ANO3: variants seen among roughly 807,000 people sequenced by gnomAD.
ANO3 encodes anoctamin-3.
ANO3 carries 99 observed loss-of-function variants against 144.8 expected under a neutral mutation model. The observed-to-expected ratio is 0.68, with a 90% confidence interval of 0.58 to 0.81. The LOEUF (loss-of-function observed/expected upper bound fraction) is 0.81, where lower values mean the gene tolerates loss of function less well. ANO3 is among the 30% of genes least tolerant of loss of function. The pLI is 0.00. For synonymous variants in ANO3, 414 were observed against 392.6 expected, an observed-to-expected ratio of 1.05 and a Z score of -0.64; for missense variants, 905 against 1,202.2, an observed-to-expected ratio of 0.75 and a Z score of 3.66.
At chr11:26,593,986 G>A (rs979328658) in intron 14 of ANO3, among the ~76,000 whole-genome samples, 10 of 152,128 alleles carry the variant, frequency 6.6e-5, no homozygotes, top group African/African-American at 2.4e-4. Context: ...TTTTTCTAAT[G>A]TCTGCAGCTG....
chr11:26,460,925 TAAGG>T, intron 3 of ANO3, among the ~76,000 whole-genome samples: 1 of 152,210 alleles, frequency 6.6e-6, no homozygotes, highest in East Asian at 1.9e-4. Flanking sequence ...AATTGCATGC[TAAGG>T]AAGTGGCAGA....
At chr11:26,444,642 C>T (rs72886273) in intron 3 of ANO3, among the ~76,000 whole-genome samples, 8 of 152,250 alleles carry the variant, frequency 5.3e-5, no homozygotes, top group Admixed American at 4.6e-4. Flanking sequence ...AATTAGTATA[C>T]GTACTTTTAA....
intron 1 of ANO3, among the ~76,000 whole-genome samples, chr11:26,351,804 T>A (rs1340632315): frequency 6.6e-6 from 1 of 152,226 alleles, no homozygotes; most frequent in African/African-American, 2.4e-5. Context: ...GGGAAATGTT[T>A]AGGCTGAACT....
Position 26,390,079 on chromosome 11 carries a change from C to T in ANO3, c.47-51839C>T, listed in dbSNP as rs751188057. On this transcript the variant is annotated intron_variant, in intron 1 of 26. Coordinates refer to ENST00000256737, the MANE Select transcript of ANO3 (RefSeq NM_031418.4). The stretch of plus-strand genomic sequence containing the variant: ...TCCATTCAACCATTTCCTGACTTAA[C>T]ATGGTTCTCTCTTTTATTAAGTGTC... Among the ~76,000 whole-genome samples the T allele has an allele frequency of 5.1e-4, 78 of 152,058 alleles. 1 individual carries two copies. Among genetic ancestry groups the T allele is most frequent in the Non-Finnish European group, 1.8e-4 (12 of 67,992 alleles).
chr11:26,530,710 A>G (rs1849348513), intron 7 of ANO3, among the ~76,000 whole-genome samples: 1 of 151,996 alleles, frequency 6.6e-6, no homozygotes, highest in Non-Finnish European at 1.5e-5. Context: ...AAAAAATAAA[A>G]ATAAAAAAAT....
chr11:26,417,495 A>C (rs574280954), intron 1 of ANO3, among the ~76,000 whole-genome samples: 3 of 152,136 alleles, frequency 2.0e-5, no homozygotes, highest in Admixed American at 6.6e-5. Flanking sequence ...ATAATTCAAG[A>C]GTGAACAAAC....
chr11:26,349,675 A>T (rs1343472758), intron 1 of ANO3, among the ~76,000 whole-genome samples: 5 of 151,844 alleles, frequency 3.3e-5, no homozygotes, highest in Admixed American at 3.3e-4. Flanking sequence ...CAGCCTCCGG[A>T]GTAGCTGGGA....
At chr11:26,271,216 A>T (rs987247831) in intron 1 of ANO3, among the ~76,000 whole-genome samples, 1 of 152,234 alleles carries the variant, frequency 6.6e-6, no homozygotes, top group Non-Finnish European at 1.5e-5. Context: ...GATTCCAGTA[A>T]GAAATGTGTT....
At chr11:26,319,642 C>T (rs1022383146) in intron 1 of ANO3, among the ~76,000 whole-genome samples, 1 of 152,028 alleles carries the variant, frequency 6.6e-6, no homozygotes, top group Admixed American at 6.6e-5. Flanking sequence ...TGATAAAATG[C>T]CTTTGTTAAC....
At chr11:26,525,281 A>G (rs369275687) in intron 6 of ANO3, among the ~76,000 whole-genome samples, 1 of 152,186 alleles carries the variant, frequency 6.6e-6, no homozygotes, top group African/African-American at 2.4e-5. Flanking sequence ...AAATGGAAGG[A>G]GGGATGGATG....
chr11:26,198,151 G>A (rs900218159), intron 1 of ANO3, among the ~76,000 whole-genome samples: 3 of 151,966 alleles, frequency 2.0e-5, no homozygotes, highest in African/African-American at 7.3e-5. Flanking sequence ...GATTGAGGAT[G>A]GTTCTGGAAG....
intron 1 of ANO3, among the ~76,000 whole-genome samples, chr11:26,343,694 A>G (rs1855424485): frequency 6.6e-6 from 1 of 152,234 alleles, no homozygotes; most frequent in Non-Finnish European, 1.5e-5. Context: ...TGGAGTGTAG[A>G]GTTCAAGTAG....
At chr11:26,567,772 T>A (rs1850651322) in intron 14 of ANO3, among the ~76,000 whole-genome samples, 1 of 151,992 alleles carries the variant, frequency 6.6e-6, no homozygotes, top group Non-Finnish European at 1.5e-5. Context: ...CAAACCTAAG[T>A]GTTCATTAGT....
At chr11:26,346,805 G>A (rs1855507639) in intron 1 of ANO3, among the ~76,000 whole-genome samples, 1 of 152,172 alleles carries the variant, frequency 6.6e-6, no homozygotes, top group South Asian at 2.1e-4. Context: ...CCAACATACA[G>A]CTCTCTGTTT....
intron 4 of ANO3, among the ~76,000 whole-genome samples, chr11:26,507,711 T>C (rs1177438696): frequency 6.6e-6 from 1 of 152,230 alleles, no homozygotes; most frequent in East Asian, 1.9e-4. Flanking sequence ...AGCACTTATG[T>C]CTGGTCATGA....
chr11:26,654,438 T>A (rs1283019753), intron 24 of ANO3, among the ~76,000 whole-genome samples: 1 of 152,108 alleles, frequency 6.6e-6, no homozygotes, highest in East Asian at 1.9e-4. Context: ...TATAGAAATA[T>A]TTTTCTATAT....
At chr11:26,509,294 A>G (rs1225609158) in intron 5 of ANO3, among the ~76,000 whole-genome samples, 1 of 151,842 alleles carries the variant, frequency 6.6e-6, no homozygotes, top group Non-Finnish European at 1.5e-5. Flanking sequence ...TATTACAGAG[A>G]CACCTAAACC....
intron 1 of ANO3, among the ~76,000 whole-genome samples, chr11:26,413,101 C>T (rs189494991): frequency 3.3e-3 from 496 of 151,922 alleles, no homozygotes; most frequent in Middle Eastern, 0.014. Flanking sequence ...ATATTCTTAC[C>T]TCATCCTGTA....
intron 14 of ANO3, among the ~76,000 whole-genome samples, chr11:26,576,366 A>G (rs550283170): frequency 4.1e-4 from 63 of 152,314 alleles, no homozygotes; most frequent in Admixed American, 1.6e-3. Context: ...AGACTTAATT[A>G]ATTATAAATA....
Sources: gnomAD v4.1 joint callset for allele counts (sites outside exome capture counted in the v4.1 genomes callset) on GRCh38, gnomAD v4.1.1 for gene constraint, MANE v1.5 for transcripts, NCBI Gene and HGNC (gene_info 2026-07-23, HGNC 2026-07-21) for gene names.